The following MID1 variants were observed in gnomAD, a reference collection of about 807,000 sequenced individuals.
MID1 encodes midline 1.
Under a neutral mutation model 40.4 loss-of-function variants are expected in MID1, and 7 were observed. That is an observed-to-expected ratio of 0.17 (90% confidence interval 0.10 to 0.33). The LOEUF is 0.33. Ranked by LOEUF, MID1 falls within the 10% of genes least tolerant of loss-of-function variation. MID1 has a pLI of 1.00. For missense variants in MID1, 367 were observed against 558.5 expected (o/e 0.66, Z 3.46); for synonymous variants, 229 against 221.2 (o/e 1.04, Z -0.31).
chrX:10,608,068 T>C (rs1164649880), intron 1 of MID1, among the ~76,000 whole-genome samples: 1 of 112,297 alleles, frequency 8.9e-6, no homozygotes. Flanking sequence ...ACTACACACC[T>C]ACCAGAATGG....
At chrX:10,489,685 T>C (rs1311301161) in intron 4 of MID1, among the ~76,000 whole-genome samples, 4 of 110,021 alleles carry the variant, frequency 3.6e-5, no homozygotes, top group Non-Finnish European at 5.7e-5. Flanking sequence ...AACTTTGTTA[T>C]TATTTTCAAA....
At chrX:10,755,314 A>ACATTTT (rs2043625864) in intron 1 of MID1, among the ~76,000 whole-genome samples, 1 of 111,920 alleles carries the variant, frequency 8.9e-6, no homozygotes, top group Non-Finnish European at 1.9e-5. Context: ...GAATATTGAA[A>ACATTTT]CATTTTCATT....
chrX:10,762,027 C>T (rs2043682300), intron 1 of MID1, among the ~76,000 whole-genome samples: 1 of 111,803 alleles, frequency 8.9e-6, no homozygotes, highest in Non-Finnish European at 1.9e-5. Context: ...CCTTATCTTT[C>T]AGAACTTCGA....
intron 1 of MID1, among the ~76,000 whole-genome samples, chrX:10,691,115 C>G (rs763281620): frequency 8.9e-6 from 1 of 112,283 alleles, no homozygotes; most frequent in African/African-American, 3.2e-5. Flanking sequence ...GAGCCATATA[C>G]AGCATTTCAA....
intron 1 of MID1, among the ~76,000 whole-genome samples, chrX:10,665,627 A>G (rs1197276707): frequency 1.9e-5 from 2 of 107,967 alleles, no homozygotes; most frequent in African/African-American, 3.4e-5. Context: ...TCCTGGGCTC[A>G]AGCAATCCTC....
chrX:10,531,835 C>A (rs764845985), intron 2 of MID1, among the ~76,000 whole-genome samples: 101 of 111,673 alleles, frequency 9.0e-4, no homozygotes, highest in African/African-American at 3.1e-3. Flanking sequence ...ATTCACTCCT[C>A]CTCCCCAGCC....
At chrX:10,633,924 T>C (rs1032183084) in intron 1 of MID1, among the ~76,000 whole-genome samples, 1 of 111,220 alleles carries the variant, frequency 9.0e-6, no homozygotes, top group Admixed American at 9.6e-5. Context: ...TGCAGGCTCT[T>C]CACCTCACTG....
chrX:10,501,529 C>T (rs1158477968), intron 3 of MID1: 1 of 1,151,904 alleles, frequency 8.7e-7, no homozygotes, highest in East Asian at 3.3e-5. Context: ...TGCTGCTTCT[C>T]TCTGCCAATG....
At chrX:10,801,622 G>A (rs1419520353) in intron 1 of MID1, among the ~76,000 whole-genome samples, 2 of 111,711 alleles carry the variant, frequency 1.8e-5, no homozygotes, top group Non-Finnish European at 3.8e-5. Flanking sequence ...TCAATAAATG[G>A]TGCTGGGATA....
chrX:10,812,667 T>G (rs910511656), intron 1 of MID1, among the ~76,000 whole-genome samples: 1 of 111,558 alleles, frequency 9.0e-6, no homozygotes, highest in African/African-American at 3.3e-5. Flanking sequence ...CTGGCCCAGA[T>G]TGAGGAAGAC....
intron 1 of MID1, among the ~76,000 whole-genome samples, chrX:10,776,552 T>C (rs1218917621): frequency 9.0e-6 from 1 of 111,561 alleles, no homozygotes; most frequent in African/African-American, 3.3e-5. Flanking sequence ...AAGTTTATTG[T>C]CCAGAATGAG....
intron 1 of MID1, among the ~76,000 whole-genome samples, chrX:10,576,137 A>AT (rs200712689): frequency 9.3e-6 from 1 of 107,248 alleles, no homozygotes; most frequent in Non-Finnish European, 1.9e-5. Flanking sequence ...TATTATTATT[A>AT]TTTTTTTACC....
rs751345397 is a variant in MID1, at chrX:10,453,069, A to G, written c.1655+1801T>C. Among the ~76,000 whole-genome samples, 3 of 111,920 alleles carry G rather than the reference A, an allele frequency of 2.7e-5. No homozygotes were observed. The South Asian group carries it at 1.1e-3, about 42-fold the overall frequency. On this transcript the variant is annotated intron_variant, in intron 9 of 9. Coordinates refer to ENST00000317552, the MANE Select transcript of MID1 (RefSeq NM_000381.4). ...GCCCCACTGCAGCTAAAAATTGCAA[A>G]TGCCAATCTAGCCCAGAGCCTAGTG...
At position 10,821,032 on chromosome X, in the gene MID1, C is replaced by A. The variant is rs749007215; in HGVS notation, c.-187+12522G>T. 3.6e-5 allele frequency among the ~76,000 whole-genome samples: 4 copies of A among 112,312 alleles called. No homozygotes were observed. In the East Asian group the frequency reaches 1.1e-3, roughly 31 times the overall value. ...GAGACTGGATTTGAAATTTCACATGCAAGCTGTAAGCCTGGCAGTTACCAA... is the reference window on the plus strand; with the variant it reads ...GAGACTGGATTTGAAATTTCACATGAAAGCTGTAAGCCTGGCAGTTACCAA... On this transcript the variant is annotated intron_variant, in intron 1 of 10. Transcript: ENST00000380785.
At chrX:10,525,002 C>A (rs1048845703) in intron 2 of MID1, among the ~76,000 whole-genome samples, 1 of 111,614 alleles carries the variant, frequency 9.0e-6, no homozygotes, top group African/African-American at 3.3e-5. Flanking sequence ...TACGGAACAA[C>A]AGGAAATTTC....
chrX:10,784,532 G>A (rs1243127477), intron 1 of MID1, among the ~76,000 whole-genome samples: 1 of 97,634 alleles, frequency 1.0e-5, no homozygotes, highest in Non-Finnish European at 2.0e-5. Flanking sequence ...TGCAACCTCC[G>A]CCTCCTGGGC....
chrX:10,592,274 TAAAA>T (rs144661774), intron 1 of MID1, among the ~76,000 whole-genome samples: 6 of 28,255 alleles, frequency 2.1e-4, no homozygotes, highest in African/African-American at 5.6e-4. Flanking sequence ...GGGACTGCGT[TAAAA>T]AAAAAAAAAA....
At chrX:10,494,237 A>G (rs1038150157) in intron 4 of MID1, among the ~76,000 whole-genome samples, 11 of 112,149 alleles carry the variant, frequency 9.8e-5, no homozygotes, top group African/African-American at 3.2e-4. Flanking sequence ...TTTGTAATCT[A>G]TATAGACAGA....
intron 2 of MID1, among the ~76,000 whole-genome samples, chrX:10,550,532 A>T (rs915063752): frequency 7.1e-5 from 8 of 111,989 alleles, no homozygotes; most frequent in Non-Finnish European, 1.5e-4. Flanking sequence ...GCTGCCACTC[A>T]GGGCATCTGC....
Sources: gnomAD v4.1 joint callset for allele counts (sites outside exome capture counted in the v4.1 genomes callset) on GRCh38, gnomAD v4.1.1 for gene constraint, MANE v1.5 for transcripts, NCBI Gene and HGNC (gene_info 2026-07-23, HGNC 2026-07-21) for gene names.